The following TATDN3 variants were observed in gnomAD, a reference collection of about 807,000 sequenced individuals.
The protein encoded by TATDN3 is TatD DNase domain containing 3.
Under a neutral mutation model 40.1 loss-of-function variants are expected in TATDN3, and 29 were observed. The observed-to-expected ratio is 0.72, with a 90% CI of 0.54 to 0.99. The LOEUF is 0.99. TATDN3 is among the 50% of genes least tolerant of loss of function. TATDN3 has a pLI of 0.00. For missense variants in TATDN3, 309 were observed against 321.9 expected (o/e 0.96, Z 0.31); for synonymous variants, 105 against 117.0 (o/e 0.90, Z 0.66).
At chr1:212,804,710 G>A (rs1662356442) in intron 7 of TATDN3, 59 bp downstream of exon 7, 5 of 1,472,168 alleles carry the variant, frequency 3.4e-6, no homozygotes, top group Non-Finnish European at 4.7e-6. Flanking sequence ...TCCAGTTTAT[G>A]TTCTCATAAA....
At chr1:212,799,539 C>CTT (rs1181062032) in intron 4 of TATDN3, among the ~76,000 whole-genome samples, 4 of 138,256 alleles carry the variant, frequency 2.9e-5, no homozygotes, top group Non-Finnish European at 4.8e-5. Flanking sequence ...ATAGGTACTT[C>CTT]TTTTTTTTTT....
chr1:212,810,206 A>G (rs1226902724), intron 8 of TATDN3, among the ~76,000 whole-genome samples: 1 of 151,848 alleles, frequency 6.6e-6, no homozygotes, highest in Non-Finnish European at 1.5e-5. Context: ...TCTACAAAAC[A>G]TATAAAAATT....
At chr1:212,794,690 C>T in intron 1 of TATDN3, 2 of 459,502 alleles carry the variant, frequency 4.4e-6, no homozygotes, top group Non-Finnish European at 8.7e-6. Context: ...AGCAGATGTT[C>T]TTGAAGTCTG....
intron 8 of TATDN3, 74 bp from the exon 9 acceptor site, chr1:212,812,174 T>G: frequency 2.2e-6 from 2 of 929,752 alleles, no homozygotes; most frequent in Non-Finnish European, 3.3e-6. Flanking sequence ...AAATGCATTA[T>G]TAGTATGTCA....
At chr1:212,793,582 T>C (rs1398922780) in intron 1 of TATDN3, among the ~76,000 whole-genome samples, 1 of 152,150 alleles carries the variant, frequency 6.6e-6, no homozygotes, top group South Asian at 2.1e-4. Flanking sequence ...GCTACAAGAC[T>C]AGTTAGGAGG....
intron 7 of TATDN3, among the ~76,000 whole-genome samples, chr1:212,805,420 T>C (rs1662400082): frequency 6.6e-6 from 1 of 151,822 alleles, no homozygotes; most frequent in Admixed American, 6.6e-5. Flanking sequence ...CACACCCAGC[T>C]AATTTTTGTA....
intron 7 of TATDN3, 132 bp from the exon 8 acceptor site, chr1:212,807,603 GC>G: frequency 3.5e-6 from 2 of 576,922 alleles, no homozygotes; most frequent in Non-Finnish European, 2.9e-6. Context: ...ACATTTATCC[GC>G]CCTTTAGAAG....
intron 4 of TATDN3, among the ~76,000 whole-genome samples, chr1:212,799,881 A>G (rs1662066251): frequency 6.6e-6 from 1 of 152,210 alleles, no homozygotes; most frequent in African/African-American, 2.4e-5. Context: ...GAACTTATCA[A>G]ATGTTGTGAT....
chr1:212,809,614 G>A (rs1217741611), intron 8 of TATDN3, among the ~76,000 whole-genome samples: 1 of 151,980 alleles, frequency 6.6e-6, no homozygotes, highest in Non-Finnish European at 1.5e-5. Context: ...AACCCGGGGG[G>A]GCAGAGCCTG....
At chr1:212,814,706 C>G (rs1172471877) in intron 9 of TATDN3, among the ~76,000 whole-genome samples, 1 of 152,160 alleles carries the variant, frequency 6.6e-6, no homozygotes, top group Admixed American at 6.5e-5. Context: ...AAGCAACAAA[C>G]CAAAGGACAA....
intron 7 of TATDN3, among the ~76,000 whole-genome samples, chr1:212,806,013 C>T (rs758117100): frequency 6.6e-5 from 10 of 152,092 alleles, no homozygotes; most frequent in Non-Finnish European, 1.0e-4. Flanking sequence ...TGTTCAGAAC[C>T]GTCTAATAGT....
At chr1:212,794,976 C>A in intron 1 of TATDN3, 119 bp from the exon 2 acceptor site, 1 of 771,566 alleles carries the variant, frequency 1.3e-6, no homozygotes, top group Non-Finnish European at 2.2e-6. Context: ...TGTTTTCCAC[C>A]ACTCCATTAG....
Position 212,796,509 on chromosome 1 carries a change from T to C in TATDN3, c.100-8T>C. On this transcript the variant is annotated splice_polypyrimidine_tract_variant and splice_region_variant and intron_variant, in intron 2 of 9. Coordinates refer to ENST00000366974, the MANE Select transcript of TATDN3 (RefSeq NM_001042552.3). Reference sequence around the variant, plus strand: ...TGTTTGTAACTTTATTCTTTTTTTTTTTTTCAGGCCAATGTTGTGGCCCTT... The same window carrying C: ...TGTTTGTAACTTTATTCTTTTTTTTCTTTTCAGGCCAATGTTGTGGCCCTT... 3 of 1,526,362 alleles carry C rather than the reference T, an allele frequency of 2.0e-6. No homozygotes were observed. In the South Asian group the frequency reaches 4.1e-5, roughly 21 times the overall value. 94.6% of individuals were successfully genotyped at this position (1,526,362 alleles called of 1,614,324 possible).
At chr1:212,800,985 G>A (rs1232164699) in intron 4 of TATDN3, among the ~76,000 whole-genome samples, 1 of 151,032 alleles carries the variant, frequency 6.6e-6, no homozygotes, top group Non-Finnish European at 1.5e-5. Context: ...TGGGAAGATT[G>A]CTTGAGGCCA....
At chr1:212,813,690 C>T (rs1663028141) in intron 9 of TATDN3, among the ~76,000 whole-genome samples, 1 of 151,160 alleles carries the variant, frequency 6.6e-6, no homozygotes, top group African/African-American at 2.4e-5. Flanking sequence ...GCTACCATGC[C>T]TGGCTACTTG....
chr1:212,791,926 G>A lies in TATDN3; in HGVS notation c.5G>A (p.Arg2Gln), dbSNP rs767724016. The part of the protein sequence containing the change: M[R>Q]AAGVGLVDCH... ...AGCGGCAGCCGCCGGGGCGCAATGC[G>A]AGCGGCTGGCGTAGGCTTGGTGGAC... is the stretch of plus-strand genomic sequence containing the variant. The change falls in exon 1 of 10, where the codon CGA becomes CAA. Residue 2 changes from arginine to glutamine, a missense_variant. Coordinates refer to ENST00000366974, the MANE Select transcript of TATDN3 (RefSeq NM_001042552.3). 2 of 1,613,210 alleles carry A rather than the reference G, an allele frequency of 1.2e-6. No individual in the cohort carries two copies. Among genetic ancestry groups the A allele is most frequent in the African/African-American group, 2.7e-5 (2 of 74,936 alleles).
chr1:212,798,536 C>CAAAAAACAA (rs1661959694), intron 4 of TATDN3, among the ~76,000 whole-genome samples: 1 of 91,318 alleles, frequency 1.1e-5, no homozygotes, highest in Non-Finnish European at 2.1e-5. Context: ...CTCAAAAACT[C>CAAAAAACAA]AAAAAAAAAA....
chr1:212,815,258 A>G lies in TATDN3; in HGVS notation c.*102A>G. On this transcript the variant is annotated 3_prime_UTR_variant, in exon 10 of 10. Coordinates refer to ENST00000366974, the MANE Select transcript of TATDN3 (RefSeq NM_001042552.3). ...ATCTGAACTGAAGAAGCTGTTTTAT[A>G]GGGTTATAGAAGATTGTAATTGTAG... The G allele has an allele frequency of 1.5e-6, 2 of 1,322,370 alleles. No individual in the cohort carries two copies. Among genetic ancestry groups the G allele is most frequent in the Non-Finnish European group, 2.0e-6 (2 of 985,466 alleles). 81.9% of individuals were successfully genotyped at this position (1,322,370 alleles called of 1,614,324 possible).
intron 9 of TATDN3, among the ~76,000 whole-genome samples, chr1:212,813,593 T>C (rs1171540403): frequency 6.9e-6 from 1 of 144,704 alleles, no homozygotes; most frequent in Non-Finnish European, 1.5e-5. Flanking sequence ...TGAGACAGGG[T>C]CTACTCTGTC....
Sources: gnomAD v4.1 joint callset for allele counts (sites outside exome capture counted in the v4.1 genomes callset) on GRCh38, gnomAD v4.1.1 for gene constraint, MANE v1.5 for transcripts, NCBI Gene and HGNC (gene_info 2026-07-23, HGNC 2026-07-21) for gene names.